CELSR3: variants seen among roughly 807,000 people sequenced by gnomAD.
The protein encoded by CELSR3 is cadherin EGF LAG seven-pass G-type receptor 3, also known as EGF-like protein 1.
CELSR3 carries 73 observed loss-of-function variants against 270.0 expected under a neutral mutation model. The ratio of observed to expected loss-of-function variants is 0.27; its 90% CI spans 0.22 to 0.33. CELSR3 has a LOEUF of 0.33. CELSR3 is among the 10% of genes least tolerant of loss of function. The pLI is 1.00. For synonymous variants in CELSR3, 1,780 were observed against 1,905.4 expected (o/e 0.93, Z 1.71); for missense variants, 3,614 against 4,533.8 (o/e 0.80, Z 5.83).
At position 48,662,368 on chromosome 3, in the gene CELSR3, T is replaced by G; in HGVS notation, c.267A>C (p.Arg89=). 1 of 1,612,924 alleles carries G rather than the reference T, an allele frequency of 6.2e-7. No homozygotes were observed. Among genetic ancestry groups the G allele is most frequent in the Non-Finnish European group, 8.5e-7 (1 of 1,179,968 alleles). ...TATTCCGGGCGCTTTGCCTTCTCCCTCGGAGCCCCACGAAGATAGGCTCCC... is the reference window on the plus strand; with the variant it reads ...TATTCCGGGCGCTTTGCCTTCTCCCGCGGAGCCCCACGAAGATAGGCTCCC... ...GVREPIFVGL[R]GRRQSARNSR... The change falls in exon 1 of 35, where the codon CGA becomes CGC. Residue 89 remains arginine (R), a synonymous_variant. Coordinates refer to ENST00000164024, the MANE Select transcript of CELSR3 (RefSeq NM_001407.3). This position sits in a 1 kb window ranked among gnomAD's most constrained non-coding sequence, Gnocchi z 7.1.
At chr3:48,647,810 C>T (rs535293901) in intron 20 of CELSR3, 31 bp downstream of exon 20, 2 of 1,600,574 alleles carry the variant, frequency 1.2e-6, no homozygotes, top group African/African-American at 1.3e-5. Context: ...AGAGACAGGA[C>T]TTGGCCCAGG....
rs1431694581 is a variant in CELSR3 at position 48,659,476 on chromosome 3, G to T, written c.3159C>A (p.Ile1053=). 4 of 1,614,218 alleles carry T rather than the reference G, an allele frequency of 2.5e-6. No individual in the cohort carries two copies. In the South Asian group the frequency reaches 4.4e-5, roughly 18 times the overall value. ...CGTTCACATCCTGCACCATCACCTG[G>T]ATACTGACTGGAGTCCGGAGTGGGG... ...GVPPLRTPVS[I]QVMVQDVNDN... is the part of the protein sequence containing the mutation. The change falls in exon 1 of 35, where the codon ATC becomes ATA. Residue 1053 remains isoleucine, a synonymous_variant. Transcript: ENST00000164024. This position sits in a 1 kb window ranked among gnomAD's most constrained non-coding sequence, Gnocchi z 8.1.
In CELSR3 at chr3:48,652,481, C is replaced by CCG; in HGVS notation, c.5706_5707insCG (p.Gly1903ArgfsTer37). On this transcript the variant is annotated frameshift_variant, in exon 11 of 35. Coordinates refer to ENST00000164024, the MANE Select transcript of CELSR3 (RefSeq NM_001407.3). LOFTEE classifies it high-confidence loss of function. This position sits in a 1 kb window ranked among gnomAD's most constrained non-coding sequence, Gnocchi z 4.3. ...CCCTGAGGAGCCTCCTCTGCACTGC[C>CCG]GGGGGGCAGGCCTCCCACGTGGAGC... The CCG allele has an allele frequency of 6.2e-7, 1 of 1,613,740 alleles. No individual in the cohort carries two copies. The highest frequency in any genetic ancestry group is 8.5e-7 in the Non-Finnish European group (1 of 1,179,938).
chr3:48,647,996 A>C lies in CELSR3; in HGVS notation c.6974T>G (p.Met2325Arg). 6.2e-7 allele frequency: 1 copy of C among 1,611,800 alleles called. No homozygotes were observed. Among genetic ancestry groups the C allele is most frequent in the Non-Finnish European group, 8.5e-7 (1 of 1,179,510 alleles). The change falls in exon 20 of 35, where the codon ATG becomes AGG. Residue 2325 changes from methionine to arginine, a missense_variant and splice_region_variant. Physicochemically the swap from Met to Arg is moderately conservative, Grantham distance 91. Around this residue, in one of 7 missense-constraint regions of CELSR3, gnomAD observed 1,240 missense variants for 1,351.7 expected, o/e 0.92. Transcript: ENST00000164024. ...NPMGLVTPNIMLSIDRMEHPS... is the reference protein window; with the variant it reads ...NPMGLVTPNIRLSIDRMEHPS... ...GTGCTCCATGCGGTCAATGCTGAGC[A>C]CTACCCAGGAGAAAGAAAGGGGAGG...
In CELSR3 at chr3:48,641,517, A is replaced by G; in HGVS notation, c.8832T>C (p.Asp2944=). 3 of 1,611,172 alleles carry G rather than the reference A, an allele frequency of 1.9e-6. No homozygotes were observed. The highest frequency in any genetic ancestry group is 2.2e-5 in the East Asian group (1 of 44,864). ...ERLLTHPKDV[D]GNDLLSYWPA... is the part of the protein sequence containing the mutation. ...GCCAGTAGGACAGGAGGTCATTGCCATCCACATCTGTGGAGCCAGGTCAGG... is the reference window on the plus strand; with the variant it reads ...GCCAGTAGGACAGGAGGTCATTGCCGTCCACATCTGTGGAGCCAGGTCAGG... The change falls in exon 33 of 35, where the codon GAT becomes GAC. Residue 2944 remains aspartate (D), a synonymous_variant. Transcript: ENST00000164024. The surrounding 1 kb of genome is among the most constrained non-coding windows in gnomAD (Gnocchi z 4.8).
intron 2 of CELSR3, 70 bp from the exon 3 acceptor site, chr3:48,656,435 G>T: frequency 7.5e-7 from 1 of 1,334,678 alleles, no homozygotes; most frequent in Non-Finnish European, 9.7e-7. Flanking sequence ...TTCAAAGACC[G>T]CGCGCCCAGA....
Position 48,642,388 on chromosome 3 carries a change from G to C in CELSR3, c.8635C>G (p.Leu2879Val), listed in dbSNP as rs2047035549. 1 of 1,613,172 alleles carries C rather than the reference G, an allele frequency of 6.2e-7. No individual in the cohort carries two copies. The highest frequency in any genetic ancestry group is 1.3e-5 in the African/African-American group (1 of 74,934). ...SLQAHAGPTD[L>V]DVAMFHRDAG... ...TCTCGATGGAACATGGCCACGTCCA[G>C]GTCAGTGGGGCCAGCATGAGCCTGG... Residue 2879 changes from leucine (L) to valine (V), a missense_variant, in exon 31 of 35, where the codon CTG (leucine) becomes GTG (valine). Around this residue, in one of 7 missense-constraint regions of CELSR3, gnomAD observed 1,240 missense variants for 1,351.7 expected, o/e 0.92. Coordinates refer to ENST00000164024, the MANE Select transcript of CELSR3 (RefSeq NM_001407.3). This position sits in a 1 kb window ranked among gnomAD's most constrained non-coding sequence, Gnocchi z 6.1.
At position 48,662,476 on chromosome 3, in the gene CELSR3, C is replaced by T. The variant is rs2077076315; in HGVS notation, c.159G>A (p.Arg53=). Residue 53 remains arginine (R), a synonymous_variant, in exon 1 of 35, where the codon AGG becomes AGA. Transcript: ENST00000164024. The surrounding 1 kb of genome is among the most constrained non-coding windows in gnomAD (Gnocchi z 7.1). ...DPGLAATTGP[R]AHIGGGALAL... ...CTAAGGCTCCGCCACCGATATGCGCCCTTGGCCCCGTAGTGGCAGCTAAGC... is the reference window on the plus strand; with the variant it reads ...CTAAGGCTCCGCCACCGATATGCGCTCTTGGCCCCGTAGTGGCAGCTAAGC... 6.2e-7 allele frequency: 1 copy of T among 1,612,816 alleles called. No homozygotes were observed. The highest frequency in any genetic ancestry group is 8.5e-7 in the Non-Finnish European group (1 of 1,179,888).
At position 48,644,313 on chromosome 3, in the gene CELSR3, CAT is replaced by C; in HGVS notation, c.8086-20_8086-19del. On this transcript the variant is annotated intron_variant, in intron 26 of 34. Transcript: ENST00000164024. This position sits in a 1 kb window ranked among gnomAD's most constrained non-coding sequence, Gnocchi z 4.8. ...CCGTTCATCTGGACCCACGGCCAGA[CAT>C]GTGGGGCCGGGCAGGGCAGAGAGAG... is the stretch of plus-strand genomic sequence containing the variant. The C allele has an allele frequency of 3.7e-6, 6 of 1,610,032 alleles. No individual in the cohort carries two copies. Among genetic ancestry groups the C allele is most frequent in the African/African-American group, 1.3e-5 (1 of 74,866 alleles).
In CELSR3 at chr3:48,655,461, G is replaced by A. The variant is rs2047172399; in HGVS notation, c.4742-67C>T. The A allele has an allele frequency of 4.0e-5, 61 of 1,523,510 alleles. No homozygotes were observed. In the South Asian group the frequency reaches 6.1e-4, roughly 15 times the overall value. 94.4% of individuals were successfully genotyped at this position (1,523,510 alleles called of 1,614,324 possible). Reference sequence around the variant, plus strand: ...TCGCCCCATCCCACCCGTCATATAAGCACAACCATTCCCAGGGCCACCCTG... The same window carrying A: ...TCGCCCCATCCCACCCGTCATATAAACACAACCATTCCCAGGGCCACCCTG... On this transcript the variant is annotated intron_variant, in intron 4 of 34. Transcript: ENST00000164024. The surrounding 1 kb of genome is among the most constrained non-coding windows in gnomAD (Gnocchi z 5.8).
Position 48,639,893 on chromosome 3 carries a change from A to G in CELSR3, c.9692T>C (p.Val3231Ala). The G allele has an allele frequency of 7.4e-6, 12 of 1,613,278 alleles. No individual in the cohort carries two copies. Among genetic ancestry groups the G allele is most frequent in the Non-Finnish European group, 8.5e-6 (10 of 1,180,010 alleles). The part of the protein sequence containing the change: ...PQLLRAREDS[V>A]SGPSHGPSTE... The stretch of plus-strand genomic sequence containing the variant: ...GGAGGGGCCATGGCTGGGGCCACTG[A>G]CCGAGTCCTCCCTAGCTCTGAGCAG... The change falls in exon 34 of 35, where the codon GTC becomes GCC. Residue 3231 changes from valine to alanine, a missense_variant. Val to Ala is a moderately conservative substitution (Grantham distance 64, BLOSUM62 0). Around this residue, in one of 7 missense-constraint regions of CELSR3, gnomAD observed 1,240 missense variants for 1,351.7 expected, o/e 0.92. Transcript: ENST00000164024. The surrounding 1 kb of genome is among the most constrained non-coding windows in gnomAD (Gnocchi z 4.1).
rs2077023041 is a variant in CELSR3 at position 48,656,443 on chromosome 3, A to G, written c.4400-78T>C. On this transcript the variant is annotated intron_variant, in intron 2 of 34. Coordinates refer to ENST00000164024, the MANE Select transcript of CELSR3 (RefSeq NM_001407.3). ...CGGCCCCTTCAAAGACCGCGCGCCC[A>G]GAGGCCGGGTGCCAAGACCCCCGAA... 3.1e-6 allele frequency: 4 copies of G among 1,307,656 alleles called. No individual in the cohort carries two copies. The Admixed American group carries it at 1.5e-4, about 49-fold the overall frequency. 81.0% of individuals were successfully genotyped at this position (1,307,656 alleles called of 1,614,324 possible).
rs767898887 is a variant in CELSR3 at position 48,660,802 on chromosome 3, C to G, written c.1833G>C (p.Glu611Asp). The G allele has an allele frequency of 6.2e-7, 1 of 1,614,134 alleles. No individual in the cohort carries two copies. The highest frequency in any genetic ancestry group is 1.1e-5 in the South Asian group (1 of 91,090). ...TGCGCAAGGCATACTCTCTCTCTGC[C>G]TCGAAGTCCAGAGGTGCCACCACCT... The part of the protein sequence containing the change: ...EIQVVAPLDF[E>D]AEREYALRIR... Residue 611 changes from glutamate (E) to aspartate (D), a missense_variant, in exon 1 of 35, where the codon GAG becomes GAC. Around this residue, in one of 7 missense-constraint regions of CELSR3, gnomAD observed 354 missense variants for 500.9 expected, o/e 0.71. Coordinates refer to ENST00000164024, the MANE Select transcript of CELSR3 (RefSeq NM_001407.3). The surrounding 1 kb of genome is among the most constrained non-coding windows in gnomAD (Gnocchi z 5.5).
At position 48,640,397 on chromosome 3, in the gene CELSR3, G is replaced by A. The variant is rs746085293; in HGVS notation, c.9188C>T (p.Ala3063Val). The change falls in exon 34 of 35, where the codon GCC becomes GTC. Residue 3063 changes from alanine to valine, a missense_variant. Physicochemically the swap from Ala to Val is moderately conservative, Grantham distance 64 (BLOSUM62 0). Coordinates refer to ENST00000164024, the MANE Select transcript of CELSR3 (RefSeq NM_001407.3). The surrounding 1 kb of genome is among the most constrained non-coding windows in gnomAD (Gnocchi z 7.5). ...CTGTTCTCTAGAAGAGTAGCGGCTG[G>A]CTGGCTGTGAAAGGCTGCCCGTGCC... ...GGGTGSLSQP[A>V]SRYSSREQLD... 3.7e-6 allele frequency: 6 copies of A among 1,612,662 alleles called. No individual in the cohort carries two copies. The South Asian group carries it at 6.6e-5, about 18-fold the overall frequency.
Position 48,657,468 on chromosome 3 carries a change from A to G in CELSR3, c.3749-120T>C. On this transcript the variant is annotated intron_variant, in intron 1 of 34. Coordinates refer to ENST00000164024, the MANE Select transcript of CELSR3 (RefSeq NM_001407.3). The surrounding 1 kb of genome is among the most constrained non-coding windows in gnomAD (Gnocchi z 5.4). ...CCAGAACCTCTAAGTCAGCAGGCTGACCCCACCAGGACACAAGGGAGTCTG... is the reference window on the plus strand; with the variant it reads ...CCAGAACCTCTAAGTCAGCAGGCTGGCCCCACCAGGACACAAGGGAGTCTG... 9.3e-7 allele frequency: 1 copy of G among 1,069,666 alleles called. No homozygotes were observed. Among genetic ancestry groups the G allele is most frequent in the Non-Finnish European group, 1.3e-6 (1 of 766,610 alleles). 66.3% of individuals were successfully genotyped at this position (1,069,666 alleles called of 1,614,324 possible).
Position 48,661,662 on chromosome 3 carries a change from A to G in CELSR3, c.973T>C (p.Phe325Leu). The stretch of plus-strand genomic sequence containing the variant: ...AGCGTCTGGTAGTTGTACTGCGGAA[A>G]CTGCGGGTGGCGGTTTGCGGCGCGA... ...FRRAANRHPQFPQYNYQTLVP... is the reference protein window; with the variant it reads ...FRRAANRHPQLPQYNYQTLVP... Residue 325 changes from phenylalanine (F) to leucine (L), a missense_variant, in exon 1 of 35, where the codon TTT becomes CTT. Coordinates refer to ENST00000164024, the MANE Select transcript of CELSR3 (RefSeq NM_001407.3). 6.3e-7 allele frequency: 1 copy of G among 1,587,254 alleles called. No homozygotes were observed. Among genetic ancestry groups the G allele is most frequent in the Non-Finnish European group, 8.6e-7 (1 of 1,166,648 alleles).
chr3:48,642,804 G>A lies in CELSR3; in HGVS notation c.8487C>T (p.Ser2829=), dbSNP rs2047040998. Residue 2829 remains serine (S), a synonymous_variant, in exon 30 of 35, where the codon TCC becomes TCT. Coordinates refer to ENST00000164024, the MANE Select transcript of CELSR3 (RefSeq NM_001407.3). The surrounding 1 kb of genome is among the most constrained non-coding windows in gnomAD (Gnocchi z 6.1). ...GGCCGGAGCGGGCACTGCTCACAGA[G>A]GAGACGGTGGAGGCGCCCAGAGTGA... The part of the protein sequence containing the change: ...IRITLGASTV[S]SVSSARSGRT... 3 of 1,612,994 alleles carry A rather than the reference G, an allele frequency of 1.9e-6. No individual in the cohort carries two copies. The highest frequency in any genetic ancestry group is 1.7e-5 in the Admixed American group (1 of 59,996).
Position 48,642,062 on chromosome 3 carries a change from G to C in CELSR3, c.8666-53C>G. 15 of 1,488,076 alleles carry C rather than the reference G, an allele frequency of 1.0e-5. No individual in the cohort carries two copies. Among genetic ancestry groups the C allele is most frequent in the Non-Finnish European group, 1.3e-5 (15 of 1,115,866 alleles). The allele number at this position is 1,488,076 out of a possible 1,614,324, so 92.2% of individuals were successfully genotyped here. ...TCAGAGGTAAGGGACTTGGAGATAAGGGAATTTGGAGTTGAGGGTCTAGAG... is the reference window on the plus strand; with the variant it reads ...TCAGAGGTAAGGGACTTGGAGATAACGGAATTTGGAGTTGAGGGTCTAGAG... On this transcript the variant is annotated intron_variant, in intron 31 of 34. Transcript: ENST00000164024. The surrounding 1 kb of genome is among the most constrained non-coding windows in gnomAD (Gnocchi z 6.1).
At chr3:48,643,194 G>T in intron 28 of CELSR3, 111 bp from the exon 29 acceptor site, 1 of 751,868 alleles carries the variant, frequency 1.3e-6, no homozygotes, top group East Asian at 2.6e-5. Context: ...GTGGGTCAGT[G>T]AGGAGCCCAT....
Sources: allele counts gnomAD v4.1 joint callset, GRCh38; gene constraint gnomAD v4.1.1; regional missense constraint gnomAD v4.1.1; non-coding constraint Gnocchi (gnomAD v3.1); transcripts MANE v1.5; gene names NCBI Gene and HGNC (gene_info 2026-07-23, HGNC 2026-07-21).